LRRC3C: variants seen among roughly 807,000 people sequenced by gnomAD.
LRRC3C encodes leucine-rich repeat-containing protein 3C.
In LRRC3C, 11 loss-of-function variants were observed where a neutral mutation model predicts 14.8. That is an observed-to-expected ratio of 0.74 (90% CI 0.47 to 1.23). The LOEUF is 1.23. Among genes scored for constraint, LRRC3C ranks in the 50% most tolerant of loss-of-function variants. The probability of loss-of-function intolerance (pLI) is 0.00; values close to 1 mark genes in which losing one functional copy is unlikely to be tolerated. For missense variants in LRRC3C, 354 were observed against 361.8 expected, an observed-to-expected ratio of 0.98 and a Z score of 0.18; for synonymous variants, 149 against 161.5, an observed-to-expected ratio of 0.92 and a Z score of 0.59.
chr17:39,944,447 A>T lies in LRRC3C; in HGVS notation c.541A>T (p.Thr181Ser). 6.7e-7 allele frequency: 1 copy of T among 1,487,634 alleles called. No homozygotes were observed. The highest frequency in any genetic ancestry group is 8.9e-7 in the Non-Finnish European group (1 of 1,120,826). 92.2% of individuals were successfully genotyped at this position (1,487,634 alleles called of 1,614,324 possible). A position where few individuals can be genotyped will look rare whatever the true frequency, so the allele number is the denominator to read the frequency against. Residue 181 changes from threonine (T) to serine (S), a missense_variant, in exon 4 of 4, where the codon ACT (threonine) becomes TCT (serine). By Grantham distance (58) the Thr-to-Ser change is moderately conservative. Coordinates refer to ENST00000377924, the MANE Select transcript of LRRC3C (RefSeq NM_001195545.2). ...CCGGCAGGTGAGGCTGGTGCCGGGC[A>T]CTGGGACAGGCATCGTGTGTGGCTC... ...VLRQVRLVPG[T>S]GTGIVCGSGA...
chr17:39,942,831 G>T (rs1978974154), intron 3 of LRRC3C, among the ~76,000 whole-genome samples: 1 of 152,200 alleles, frequency 6.6e-6, no homozygotes, highest in Admixed American at 6.5e-5. Flanking sequence ...GGAGTTGGGG[G>T]AATACAGGTT....
chr17:39,937,441 A>G (rs550751086), intron 2 of LRRC3C, among the ~76,000 whole-genome samples: 5 of 152,250 alleles, frequency 3.3e-5, no homozygotes, highest in Non-Finnish European at 1.5e-5. Context: ...CGTCTCAAAA[A>G]AATAAATAAA....
chr17:39,927,961 T>A (rs1239476569), intron 1 of LRRC3C, 147 bp downstream of exon 1: 2 of 748,496 alleles, frequency 2.7e-6, no homozygotes, highest in Admixed American at 1.2e-4. Flanking sequence ...CCAAATATTC[T>A]GACCCCAACT....
intron 2 of LRRC3C, among the ~76,000 whole-genome samples, chr17:39,940,594 G>C (rs1249248727): frequency 7.0e-6 from 1 of 142,292 alleles, no homozygotes; most frequent in African/African-American, 2.7e-5. Context: ...TTTTCTTTTT[G>C]TAGAAAGTGC....
At chr17:39,939,399 T>C (rs553572008) in intron 2 of LRRC3C, 7 of 985,442 alleles carry the variant, frequency 7.1e-6, no homozygotes, top group African/African-American at 5.2e-5. Context: ...GACATGTCTG[T>C]GCCTCCCTCC....
intron 1 of LRRC3C, among the ~76,000 whole-genome samples, chr17:39,930,984 A>C (rs1978634728): frequency 6.7e-6 from 1 of 150,070 alleles, no homozygotes; most frequent in South Asian, 2.1e-4. Flanking sequence ...TCTACTAAAA[A>C]TACAAAAATT....
Position 39,944,003 on chromosome 17 carries a change from C to CTGCTGG in LRRC3C, c.100_105dup (p.Leu34_Val35dup). 6.5e-7 allele frequency: 1 copy of CTGCTGG among 1,536,112 alleles called. No individual in the cohort carries two copies. The highest frequency in any genetic ancestry group is 8.7e-7 in the Non-Finnish European group (1 of 1,146,880). ...AACAGCAGGTCACCTCCTGCCCCTCCTGCTGGTGATAGGCACAGGGGGTAC... is the reference window on the plus strand; with the variant it reads ...AACAGCAGGTCACCTCCTGCCCCTCCTGCTGGTGCTGGTGATAGGCACAGGGGGTAC... On this transcript the variant is annotated inframe_insertion, in exon 4 of 4. Transcript: ENST00000377924.
intron 2 of LRRC3C, among the ~76,000 whole-genome samples, chr17:39,936,812 G>A (rs544383389): frequency 3.3e-5 from 5 of 151,452 alleles, no homozygotes; most frequent in African/African-American, 9.7e-5. Flanking sequence ...GTGGGACCCC[G>A]TCTCGAAAAA....
chr17:39,941,544 C>T lies in LRRC3C; in HGVS notation c.21C>T (p.Ser7=). Residue 7 remains serine, a synonymous_variant, in exon 3 of 4, where the codon TCC becomes TCT. Coordinates refer to ENST00000377924, the MANE Select transcript of LRRC3C (RefSeq NM_001195545.2). The stretch of plus-strand genomic sequence containing the variant: ...CTCCAATGCGTATGACCTCATCTTC[C>T]TTCGTGTAAGTATATCCACCCCTAG... MRMTSS[S]FVSYCTPGLC... is the part of the protein sequence containing the mutation. 4 of 1,535,692 alleles carry T rather than the reference C, an allele frequency of 2.6e-6. No individual in the cohort carries two copies. The highest frequency in any genetic ancestry group is 2.4e-5 in the East Asian group (1 of 40,908).
chr17:39,940,883 A>C (rs1978919262), intron 2 of LRRC3C, among the ~76,000 whole-genome samples: 2 of 152,126 alleles, frequency 1.3e-5, no homozygotes, highest in South Asian at 4.1e-4. Context: ...CTGGGATTAC[A>C]GGTGTGTGCC....
Position 39,944,541 on chromosome 17 carries a change from CGGGG to C in LRRC3C, c.636_639del (p.Trp214ValfsTer19), listed in dbSNP as rs1979034478. On this transcript the variant is annotated frameshift_variant, in exon 4 of 4. Transcript: ENST00000377924. LOFTEE classifies it high-confidence loss of function. Reference sequence around the variant, plus strand: ...GCAGGGGAGGAAGAGCTGTGTGGGTCGGGGTGGGGTGGGGCCCGGAGGAGCACCG... The same window carrying C: ...GCAGGGGAGGAAGAGCTGTGTGGGTCTGGGGTGGGGCCCGGAGGAGCACCG... 3 of 501,842 alleles carry C rather than the reference CGGGG, an allele frequency of 6.0e-6. No homozygotes were observed. Among genetic ancestry groups the C allele is most frequent in the Non-Finnish European group, 1.1e-5 (3 of 275,268 alleles). 31.1% of individuals were successfully genotyped at this position (501,842 alleles called of 1,614,324 possible).
chr17:39,939,536 T>A, intron 2 of LRRC3C: 1 of 448,930 alleles, frequency 2.2e-6, no homozygotes, highest in Non-Finnish European at 2.9e-6. Context: ...CCAGCATAAC[T>A]AATCTGTAAA....
In LRRC3C at chr17:39,931,078, G is replaced by A. The variant is rs183719414; in HGVS notation, c.-175+3264G>A. On this transcript the variant is annotated intron_variant, in intron 1 of 3. Transcript: ENST00000377924. The stretch of plus-strand genomic sequence containing the variant: ...AATCGCTTGAACCCAGGAGGTGGAG[G>A]ATGCAGTGAGCCGAGATCGTGCCAT... 2.4e-3 allele frequency among the ~76,000 whole-genome samples: 362 copies of A among 151,454 alleles called. 1 individual carries two copies. The highest frequency in any genetic ancestry group is 3.5e-3 in the Middle Eastern group (1 of 288).
At position 39,944,462 on chromosome 17, in the gene LRRC3C, G is replaced by A. The variant is rs150715744; in HGVS notation, c.556G>A (p.Val186Met). 5.9e-4 allele frequency: 874 copies of A among 1,487,778 alleles called. 4 individuals are homozygous for A. The African/African-American group carries it at 0.01, about 18-fold the overall frequency. 92.2% of individuals were successfully genotyped at this position (1,487,778 alleles called of 1,614,324 possible). The change falls in exon 4 of 4, where the codon GTG becomes ATG. Residue 186 changes from valine (V) to methionine (M), a missense_variant. Val to Met is a conservative substitution (Grantham distance 21). Transcript: ENST00000377924. Reference sequence around the variant, plus strand: ...GGTGCCGGGCACTGGGACAGGCATCGTGTGTGGCTCAGGAGCCCGACCGGA... The same window carrying A: ...GGTGCCGGGCACTGGGACAGGCATCATGTGTGGCTCAGGAGCCCGACCGGA... ...RLVPGTGTGI[V>M]CGSGARPDLV...
rs1440139945 is a variant in LRRC3C at position 39,944,877 on chromosome 17, C to G, written c.*143C>G. ...CTCCCTCCTTTATTCCCCCTAAATA[C>G]CTGTGCTGGTTCTCTCTCTCTCTCT... On this transcript the variant is annotated 3_prime_UTR_variant, in exon 4 of 4. Transcript: ENST00000377924. 4.3e-6 allele frequency: 3 copies of G among 691,616 alleles called. No homozygotes were observed. In the Admixed American group the frequency reaches 8.6e-5, roughly 20 times the overall value. 42.8% of individuals were successfully genotyped at this position (691,616 alleles called of 1,614,324 possible). A position where few individuals can be genotyped will look rare whatever the true frequency, so the allele number is the denominator to read the frequency against.
intron 3 of LRRC3C, among the ~76,000 whole-genome samples, chr17:39,943,327 G>A (rs530263997): frequency 2.6e-5 from 4 of 152,196 alleles, no homozygotes; most frequent in Non-Finnish European, 4.4e-5. Flanking sequence ...GGAGGAGGAC[G>A]GGGAGGAGGA....
chr17:39,942,117 G>A (rs560811163), intron 3 of LRRC3C, among the ~76,000 whole-genome samples: 24 of 152,310 alleles, frequency 1.6e-4, no homozygotes, highest in African/African-American at 4.6e-4. Flanking sequence ...AAAGCCTGGC[G>A]TGGGTAATGA....
chr17:39,929,309 C>T (rs1978581584), intron 1 of LRRC3C: 1 of 152,184 alleles, frequency 6.6e-6, no homozygotes, highest in South Asian at 2.1e-4. Context: ...CTGACTAATG[C>T]AGAGTCTAAC....
chr17:39,937,878 T>C (rs533416294), intron 2 of LRRC3C, among the ~76,000 whole-genome samples: 2 of 152,124 alleles, frequency 1.3e-5, no homozygotes, highest in Non-Finnish European at 2.9e-5. Flanking sequence ...ACTCCTGTGA[T>C]CCCAGCACTT....
Sources: allele counts gnomAD v4.1 joint callset (sites outside exome capture counted in the v4.1 genomes callset), GRCh38; gene constraint gnomAD v4.1.1; transcripts MANE v1.5; gene names NCBI Gene and HGNC (gene_info 2026-07-23, HGNC 2026-07-21).